NIPSNAP1: variants seen among roughly 807,000 people sequenced by gnomAD.
NIPSNAP1 encodes nipsnap homolog 1, also known as protein NipSnap homolog 1.
Under a neutral mutation model 49.2 loss-of-function variants are expected in NIPSNAP1, and 25 were observed. The observed-to-expected ratio is 0.51, with a 90% confidence interval of 0.37 to 0.71. NIPSNAP1 has a LOEUF of 0.71. Ranked by LOEUF, NIPSNAP1 falls within the 30% of genes least tolerant of loss-of-function variation. The probability of loss-of-function intolerance (pLI) is 0.00; values close to 1 mark genes in which losing one functional copy is unlikely to be tolerated. For missense variants in NIPSNAP1, 294 were observed against 361.0 expected (o/e 0.81, Z 1.50); for synonymous variants, 143 against 140.7 (o/e 1.02, Z -0.12).
rs752493266 is a variant in NIPSNAP1, at chr22:29,569,283, C to A, written c.277G>T (p.Ala93Ser). Residue 93 changes from alanine to serine, a missense_variant, in exon 4 of 10, where the codon GCT becomes TCT. Physicochemically the swap from Ala to Ser is moderately conservative, Grantham distance 99. Around this residue, in one of 4 missense-constraint regions of NIPSNAP1, gnomAD observed 55 missense variants for 46.2 expected, o/e 1.19. Coordinates refer to ENST00000216121, the MANE Select transcript of NIPSNAP1 (RefSeq NM_003634.4). The stretch of plus-strand genomic sequence containing the variant: ...TCCAGGTGAAGCTTGGGCAGCACAG[C>A]CTCCCTGTGGGGGAGGTGCAGAGAG... ...YLDAYNSLTE[A>S]VLPKLHLDED... 6.2e-7 allele frequency: 1 copy of A among 1,613,670 alleles called. No individual in the cohort carries two copies. Among genetic ancestry groups the A allele is most frequent in the African/African-American group, 1.3e-5 (1 of 75,006 alleles).
In NIPSNAP1 at chr22:29,568,390, G is replaced by A. The variant is rs1352474897; in HGVS notation, c.367+803C>T. ...CCCAGCTACTCGGGAAGCTGAGGCAGGAGAATATCTTCAACTCAGGAGGTG... is the reference window on the plus strand; with the variant it reads ...CCCAGCTACTCGGGAAGCTGAGGCAAGAGAATATCTTCAACTCAGGAGGTG... On this transcript the variant is annotated intron_variant, in intron 4 of 9. Transcript: ENST00000216121. 2.6e-5 allele frequency among the ~76,000 whole-genome samples: 4 copies of A among 151,092 alleles called. No homozygotes were observed. In the East Asian group the frequency reaches 7.8e-4, roughly 29 times the overall value.
chr22:29,574,261 CAAAAAAAAAA>C (rs1158442759), intron 1 of NIPSNAP1, among the ~76,000 whole-genome samples: 16 of 36,694 alleles, frequency 4.4e-4, no homozygotes, highest in East Asian at 3.1e-3. Flanking sequence ...TCCATCTTCA[CAAAAAAAAAA>C]AAAAAAAAAA....
At chr22:29,565,031 A>C (rs1846819944) in intron 4 of NIPSNAP1, among the ~76,000 whole-genome samples, 1 of 151,706 alleles carries the variant, frequency 6.6e-6, no homozygotes, top group Non-Finnish European at 1.5e-5. Context: ...CTACAAAACA[A>C]ACAAACAAAC....
chr22:29,559,313 G>A (rs2064317675), intron 8 of NIPSNAP1, among the ~76,000 whole-genome samples: 1 of 152,162 alleles, frequency 6.6e-6, no homozygotes, highest in African/African-American at 2.4e-5. Context: ...GGCCGAGGCT[G>A]GTGGACTGCT....
intron 1 of NIPSNAP1, among the ~76,000 whole-genome samples, chr22:29,576,211 G>T (rs1369600150): frequency 6.6e-6 from 1 of 150,402 alleles, no homozygotes; most frequent in East Asian, 1.9e-4. Context: ...GTAGAGACGG[G>T]GTTTCACCAT....
At chr22:29,557,554 A>C (rs2064304721) in intron 9 of NIPSNAP1, among the ~76,000 whole-genome samples, 1 of 152,086 alleles carries the variant, frequency 6.6e-6, no homozygotes, top group Non-Finnish European at 1.5e-5. Flanking sequence ...CAGCCTTCCA[A>C]GTAGCTGGGA....
chr22:29,572,464 T>A (rs528138917), intron 1 of NIPSNAP1, among the ~76,000 whole-genome samples: 61 of 152,070 alleles, frequency 4.0e-4, no homozygotes, highest in African/African-American at 1.4e-3. Flanking sequence ...GAGGATCACT[T>A]GAGCCCAGGA....
chr22:29,560,968 C>T (rs1465343962), intron 7 of NIPSNAP1, 140 bp from the exon 8 acceptor site: 19 of 917,464 alleles, frequency 2.1e-5, no homozygotes, highest in South Asian at 4.1e-5. Context: ...GGACTGATGG[C>T]GGGGTGTTCT....
chr22:29,575,489 T>A (rs1316063344), intron 1 of NIPSNAP1, among the ~76,000 whole-genome samples: 1 of 152,126 alleles, frequency 6.6e-6, no homozygotes, highest in Non-Finnish European at 1.5e-5. Context: ...CAAGCCAGCA[T>A]CCCCAAGGGT....
chr22:29,576,734 G>A (rs532287600), intron 1 of NIPSNAP1, among the ~76,000 whole-genome samples: 1 of 151,480 alleles, frequency 6.6e-6, no homozygotes, highest in East Asian at 1.9e-4. Flanking sequence ...GACCAGCCTG[G>A]CCAAGATGGT....
chr22:29,560,851 G>A (rs1432452831), intron 7 of NIPSNAP1, 23 bp from the exon 8 acceptor site: 1 of 1,607,458 alleles, frequency 6.2e-7, no homozygotes, highest in African/African-American at 1.3e-5. Flanking sequence ...CAATAATATG[G>A]GGCAGAAGCC....
chr22:29,562,119 C>T (rs543901913), intron 4 of NIPSNAP1, among the ~76,000 whole-genome samples: 3 of 152,108 alleles, frequency 2.0e-5, no homozygotes, highest in African/African-American at 7.2e-5. Context: ...TCAATGTTCT[C>T]ATCTTGAAAA....
At chr22:29,569,994 A>AAAAAG in intron 3 of NIPSNAP1, 168 bp downstream of exon 3, 1 of 682,768 alleles carries the variant, frequency 1.5e-6, no homozygotes, top group Non-Finnish European at 2.6e-6. Flanking sequence ...CATCTCAAAA[A>AAAAAG]AAAAGAAAGA....
At chr22:29,570,074 G>C (rs2064396697) in intron 3 of NIPSNAP1, 88 bp downstream of exon 3, 5 of 1,015,880 alleles carry the variant, frequency 4.9e-6, no homozygotes, top group Non-Finnish European at 7.9e-6. Context: ...CTACAGAAAA[G>C]AACAGGGTGG....
intron 6 of NIPSNAP1, 145 bp from the exon 7 acceptor site, chr22:29,561,347 C>T: frequency 1.4e-6 from 2 of 1,427,812 alleles, no homozygotes; most frequent in East Asian, 2.3e-5. Flanking sequence ...CCCTGACACA[C>T]ACCTGGTGTG....
chr22:29,577,442 G>T (rs141325559), intron 1 of NIPSNAP1, among the ~76,000 whole-genome samples: 6 of 144,200 alleles, frequency 4.2e-5, no homozygotes, highest in African/African-American at 1.6e-4. Context: ...TTCTTGAGAC[G>T]AAGTCTCGCT....
rs1180311740 is a variant in NIPSNAP1 at position 29,555,996 on chromosome 22, G to C, written c.794C>G (p.Pro265Arg). 3 of 1,549,706 alleles carry C rather than the reference G, an allele frequency of 1.9e-6. No individual in the cohort carries two copies. Among genetic ancestry groups the C allele is most frequent in the Non-Finnish European group, 2.6e-6 (3 of 1,146,230 alleles). The change falls in exon 10 of 10, where the codon CCC (proline) becomes CGC (arginine). Residue 265 changes from proline (P) to arginine (R), a missense_variant. Pro to Arg is a moderately radical substitution (Grantham distance 103, BLOSUM62 -2). This residue lies in a region of NIPSNAP1 where 146 missense variants were observed against 219.9 expected (regional missense o/e 0.66). Coordinates refer to ENST00000216121, the MANE Select transcript of NIPSNAP1 (RefSeq NM_003634.4). The part of the protein sequence containing the change: ...GWDENVYYTV[P>R]LVRHMESRIM... ...CCTAGACTCCATGTGTCGCACCAGG[G>C]GGACTGCGGAGAGAGAAGGCAGAGG...
At chr22:29,574,779 CA>C (rs56971788) in intron 1 of NIPSNAP1, among the ~76,000 whole-genome samples, 22,813 of 102,588 alleles carry the variant, frequency 0.22, 1,930 homozygotes, top group East Asian at 0.54. Flanking sequence ...AACTCTGTCT[CA>C]AAAAAAAAAA....
chr22:29,574,376 A>G (rs1395438937), intron 1 of NIPSNAP1, among the ~76,000 whole-genome samples: 1 of 151,846 alleles, frequency 6.6e-6, no homozygotes, highest in East Asian at 1.9e-4. Flanking sequence ...AGATGGCTAA[A>G]TTTTTCTTTA....
Sources: gnomAD v4.1 joint callset for allele counts (sites outside exome capture counted in the v4.1 genomes callset) on GRCh38, gnomAD v4.1.1 for gene constraint, gnomAD v4.1.1 regional missense constraint, MANE v1.5 for transcripts, NCBI Gene and HGNC (gene_info 2026-07-23, HGNC 2026-07-21) for gene names.